The following GARRE1 variants were observed in gnomAD, a reference collection of about 807,000 sequenced individuals.
The protein encoded by GARRE1 is granule associated Rac and RHOG effector 1.
In GARRE1, 49 loss-of-function variants were observed where a neutral mutation model predicts 103.2. The observed-to-expected ratio is 0.47, with a 90% CI of 0.38 to 0.60. The LOEUF is 0.60. Among genes scored for constraint, GARRE1 ranks in the 20% least tolerant of loss-of-function variants. The pLI, the probability that GARRE1 is intolerant of heterozygous loss-of-function variation, is 0.00. For synonymous variants in GARRE1, 505 were observed against 532.8 expected, an observed-to-expected ratio of 0.95 and a Z score of 0.72; for missense variants, 1,199 against 1,370.5, an observed-to-expected ratio of 0.87 and a Z score of 1.98.
At chr19:34,333,679 T>TG (rs1182555735) in intron 7 of GARRE1, 25 bp from the exon 8 acceptor site, 4 of 896,646 alleles carry the variant, frequency 4.5e-6, no homozygotes, top group Non-Finnish European at 6.3e-6. Context: ...TGTTATTTGT[T>TG]TTTTTTTTTT....
At chr19:34,320,145 C>T (rs1275219361) in intron 3 of GARRE1, 29 bp downstream of exon 3, 4 of 1,597,576 alleles carry the variant, frequency 2.5e-6, no homozygotes, top group Non-Finnish European at 3.4e-6. Context: ...AGATTGGTGC[C>T]TGTGTTCAAA....
Position 34,330,236 on chromosome 19 carries a change from C to T in GARRE1, c.1152C>T (p.Ile384=). ...AGGAGGCAGGCTGCTATAATGGAAT[C>T]ACATCCAGGGATGATTTTCCTGTGA... The part of the protein sequence containing the change: ...LMKEAGCYNG[I]TSRDDFPVTE... The change falls in exon 7 of 14, where the codon ATC becomes ATT. Residue 384 remains isoleucine, a synonymous_variant. Coordinates refer to ENST00000299505, the MANE Select transcript of GARRE1 (RefSeq NM_014686.5). 1.9e-6 allele frequency: 3 copies of T among 1,614,104 alleles called. No individual in the cohort carries two copies. Among genetic ancestry groups the T allele is most frequent in the Non-Finnish European group, 2.5e-6 (3 of 1,179,950 alleles).
At chr19:34,344,757 T>A (rs921349636) in intron 10 of GARRE1, among the ~76,000 whole-genome samples, 4 of 151,456 alleles carry the variant, frequency 2.6e-5, no homozygotes, top group African/African-American at 9.7e-5. Flanking sequence ...ACTTGCAACC[T>A]CTGCCTCCTG....
rs1442418397 is a variant in GARRE1 at position 34,307,798 on chromosome 19, A to AT, written c.495+6830_495+6831insT. On this transcript the variant is annotated intron_variant, in intron 2 of 13. Transcript: ENST00000299505. ...CTATAAAATATATATACTATAAAAA[A>AT]AAAATATATATATATATTTTTTTTT... 4.3e-3 allele frequency among the ~76,000 whole-genome samples: 530 copies of AT among 124,230 alleles called. 21 individuals are homozygous for AT. Among genetic ancestry groups the AT allele is most frequent in the Middle Eastern group, 0.015 (4 of 260 alleles). The allele number at this position is 124,230 out of a possible 152,430, so 81.5% of individuals were successfully genotyped here.
At chr19:34,330,583 G>A (rs1426811142) in intron 7 of GARRE1, among the ~76,000 whole-genome samples, 1 of 152,158 alleles carries the variant, frequency 6.6e-6, no homozygotes, top group Non-Finnish European at 1.5e-5. Context: ...GCAAAATGAT[G>A]CTATGGGCTT....
chr19:34,259,115 C>T (rs2073696737), intron 1 of GARRE1, among the ~76,000 whole-genome samples: 1 of 152,172 alleles, frequency 6.6e-6, no homozygotes, highest in East Asian at 1.9e-4. Flanking sequence ...ATTCAGTGAA[C>T]TGTGATTGTG....
chr19:34,304,418 C>T (rs541488345), intron 2 of GARRE1, among the ~76,000 whole-genome samples: 269 of 150,188 alleles, frequency 1.8e-3, no homozygotes, highest in Non-Finnish European at 3.4e-3. Flanking sequence ...CTCTGTTGCC[C>T]GGGCTAGAGT....
At chr19:34,350,347 G>A (rs3786885) in intron 12 of GARRE1, among the ~76,000 whole-genome samples, 14,832 of 152,146 alleles carry the variant, frequency 0.097, 868 homozygotes, top group East Asian at 0.2. Flanking sequence ...GGAGGAGCAA[G>A]TTTGAACCGG....
At chr19:34,266,553 G>T (rs2073752792) in intron 1 of GARRE1, among the ~76,000 whole-genome samples, 1 of 152,102 alleles carries the variant, frequency 6.6e-6, no homozygotes, top group Admixed American at 6.6e-5. Flanking sequence ...GTAGAGATGG[G>T]GTTTCACCAT....
At position 34,355,030 on chromosome 19, in the gene GARRE1, C is replaced by G. The variant is rs1568316915; in HGVS notation, c.*2075C>G. On this transcript the variant is annotated 3_prime_UTR_variant, in exon 14 of 14. Transcript: ENST00000299505. Reference sequence around the variant, plus strand: ...TCTGTTAAAGTTGTCTATGGCTGTTCTACTTGTAAGATAGTTTTCTATTTC... The same window carrying G: ...TCTGTTAAAGTTGTCTATGGCTGTTGTACTTGTAAGATAGTTTTCTATTTC... 1 of 152,602 alleles carries G rather than the reference C, an allele frequency of 6.6e-6. No individual in the cohort carries two copies. Among genetic ancestry groups the G allele is most frequent in the African/African-American group, 2.4e-5 (1 of 41,424 alleles). 9.5% of individuals were successfully genotyped at this position (152,602 alleles called of 1,614,324 possible).
chr19:34,324,148 C>T (rs2074101570), intron 3 of GARRE1, among the ~76,000 whole-genome samples: 1 of 152,174 alleles, frequency 6.6e-6, no homozygotes, highest in African/African-American at 2.4e-5. Flanking sequence ...TCTCCCTCAT[C>T]CTCAGCCTGT....
intron 1 of GARRE1, among the ~76,000 whole-genome samples, chr19:34,299,294 G>A (rs773262739): frequency 6.6e-6 from 1 of 152,110 alleles, no homozygotes; most frequent in Non-Finnish European, 1.5e-5. Flanking sequence ...GCCCCATAAA[G>A]TTTATGAGTG....
At chr19:34,314,498 C>T (rs184886324) in intron 2 of GARRE1, among the ~76,000 whole-genome samples, 5 of 152,250 alleles carry the variant, frequency 3.3e-5, no homozygotes, top group Non-Finnish European at 7.4e-5. Flanking sequence ...ATTACTGATA[C>T]AAAAAGTTTT....
At chr19:34,298,876 C>T (rs1006511492) in intron 1 of GARRE1, among the ~76,000 whole-genome samples, 2 of 152,140 alleles carry the variant, frequency 1.3e-5, no homozygotes, top group Non-Finnish European at 2.9e-5. Context: ...GAAACTACAA[C>T]CAGCGATATC....
At chr19:34,269,194 T>C (rs1245673369) in intron 1 of GARRE1, among the ~76,000 whole-genome samples, 1 of 152,216 alleles carries the variant, frequency 6.6e-6, no homozygotes, top group Admixed American at 6.5e-5. Flanking sequence ...CCATGGTTTG[T>C]GGTGGTAAAT....
At chr19:34,269,904 C>T (rs1366554402) in intron 1 of GARRE1, among the ~76,000 whole-genome samples, 1 of 152,186 alleles carries the variant, frequency 6.6e-6, no homozygotes, top group Non-Finnish European at 1.5e-5. Flanking sequence ...AGGCTAGTGT[C>T]CAGTTTTGTC....
At chr19:34,267,590 A>G (rs913290060) in intron 1 of GARRE1, among the ~76,000 whole-genome samples, 5 of 152,182 alleles carry the variant, frequency 3.3e-5, no homozygotes, top group Non-Finnish European at 2.9e-5. Flanking sequence ...TAATGGACAC[A>G]ATTAGTTTTC....
rs760036564 is a variant in GARRE1, at chr19:34,341,589, C to A, written c.1655C>A (p.Ser552Tyr). The A allele has an allele frequency of 6.2e-7, 1 of 1,614,176 alleles. No individual in the cohort carries two copies. Among genetic ancestry groups the A allele is most frequent in the East Asian group, 2.2e-5 (1 of 44,888 alleles). The change falls in exon 10 of 14, where the codon TCC becomes TAC. Residue 552 changes from serine (S) to tyrosine (Y), a missense_variant. Ser to Tyr is a moderately radical substitution (Grantham distance 144, BLOSUM62 -2). Coordinates refer to ENST00000299505, the MANE Select transcript of GARRE1 (RefSeq NM_014686.5). ...ACCAAGAAAGCTTCATGTACCAGCT[C>A]CAGCAGCAGCACAAATTATTCCATC... ...RFTKKASCTS[S>Y]SSSTNYSIQN...
chr19:34,352,519 A>G (rs528797770), intron 13 of GARRE1, 128 bp from the exon 14 acceptor site: 3 of 734,740 alleles, frequency 4.1e-6, no homozygotes, highest in East Asian at 5.0e-5. Context: ...TCTGTTGGAC[A>G]GGGGTGTGGG....
Sources: gnomAD v4.1 joint callset for allele counts (sites outside exome capture counted in the v4.1 genomes callset) on GRCh38, gnomAD v4.1.1 for gene constraint, MANE v1.5 for transcripts, NCBI Gene and HGNC (gene_info 2026-07-23, HGNC 2026-07-21) for gene names.